Variants in PLPPR1 observed in about 807,000 individuals in gnomAD.
PLPPR1 encodes the protein phospholipid phosphatase related 1, also known as phospholipid phosphatase-related protein type 1.
Under a neutral mutation model 33.1 loss-of-function variants are expected in PLPPR1, and 10 were observed. That is an observed-to-expected ratio of 0.30 (90% confidence interval 0.19 to 0.51). The LOEUF is 0.51. Among genes scored for constraint, PLPPR1 ranks in the 20% least tolerant of loss-of-function variants. The probability of loss-of-function intolerance (pLI) is 0.97; values close to 1 mark genes in which losing one functional copy is unlikely to be tolerated. For synonymous variants in PLPPR1, 151 were observed against 151.0 expected, an observed-to-expected ratio of 1.00 and a Z score of 0.00; for missense variants, 304 against 408.1, an observed-to-expected ratio of 0.74 and a Z score of 2.20.
At chr9:101,066,000 T>C (rs1830408518) in intron 1 of PLPPR1, among the ~76,000 whole-genome samples, 2 of 152,130 alleles carry the variant, frequency 1.3e-5, no homozygotes, top group South Asian at 4.1e-4. Context: ...TTAATTCAGA[T>C]TTTCTTAATT....
chr9:101,225,046 TG>T (rs1827034811), intron 2 of PLPPR1, among the ~76,000 whole-genome samples: 1 of 152,218 alleles, frequency 6.6e-6, no homozygotes, highest in African/African-American at 2.4e-5. Context: ...GCCAGAAATG[TG>T]CCATAGGAAC....
At chr9:101,073,099 A>G (rs1330786176) in intron 1 of PLPPR1, among the ~76,000 whole-genome samples, 1 of 152,164 alleles carries the variant, frequency 6.6e-6, no homozygotes, top group East Asian at 1.9e-4. Context: ...TTGGAGAGGA[A>G]TGGGTCTGGG....
chr9:101,249,420 G>A (rs1014386733), intron 2 of PLPPR1, among the ~76,000 whole-genome samples: 1 of 152,028 alleles, frequency 6.6e-6, no homozygotes, highest in African/African-American at 2.4e-5. Flanking sequence ...AATTATAAAC[G>A]ATTGGTAATG....
intron 1 of PLPPR1, among the ~76,000 whole-genome samples, chr9:101,149,654 A>T (rs1831559154): frequency 6.6e-6 from 1 of 152,162 alleles, no homozygotes; most frequent in Non-Finnish European, 1.5e-5. Flanking sequence ...TTACGTTGTC[A>T]TATATCTTCT....
chr9:101,061,342 A>G (rs1236259629), intron 1 of PLPPR1, among the ~76,000 whole-genome samples: 1 of 151,994 alleles, frequency 6.6e-6, no homozygotes, highest in African/African-American at 2.4e-5. Flanking sequence ...ATATTAAAAA[A>G]ACATGTTAAT....
chr9:101,266,696 T>A (rs532137539), intron 2 of PLPPR1, among the ~76,000 whole-genome samples: 1 of 152,228 alleles, frequency 6.6e-6, no homozygotes, highest in Non-Finnish European at 1.5e-5. Context: ...ATTTGTTCTA[T>A]AGATCTCAAA....
chr9:101,216,059 C>T (rs1351105997), intron 2 of PLPPR1, among the ~76,000 whole-genome samples: 1 of 152,130 alleles, frequency 6.6e-6, no homozygotes, highest in Non-Finnish European at 1.5e-5. Flanking sequence ...TTTTGAGGAA[C>T]CTCCATACTG....
At chr9:101,035,308 A>G (rs1279507060) in intron 1 of PLPPR1, among the ~76,000 whole-genome samples, 1 of 152,154 alleles carries the variant, frequency 6.6e-6, no homozygotes, top group African/African-American at 2.4e-5. Context: ...AGGAACTGCA[A>G]CCCGGGTTTG....
rs1027124766 is a variant in PLPPR1, at chr9:101,317,554, G to T, written c.945+58G>T. On this transcript the variant is annotated intron_variant, in intron 7 of 7. Coordinates refer to ENST00000374874, the MANE Select transcript of PLPPR1 (RefSeq NM_207299.2). ...ACAGGCTGAACACTTTGGGAGGTCA[G>T]TATCAATCCATGAATACCACTTAAT... The T allele has an allele frequency of 3.3e-6, 5 of 1,524,988 alleles. No individual in the cohort carries two copies. In the African/African-American group the frequency reaches 6.9e-5, roughly 21 times the overall value. The allele number at this position is 1,524,988 out of a possible 1,614,324, so 94.5% of individuals were successfully genotyped here. A position where few individuals can be genotyped will look rare whatever the true frequency, so the allele number is the denominator to read the frequency against.
chr9:101,314,731 T>C lies in PLPPR1; in HGVS notation c.813+1757T>C, dbSNP rs562263452. On this transcript the variant is annotated intron_variant, in intron 6 of 7. Transcript: ENST00000374874. ...GTGCCAATAGACTTGCTGGACAGTGTTGTCAAAAAGCTTCAATTTAAAAAA... is the reference window on the plus strand; with the variant it reads ...GTGCCAATAGACTTGCTGGACAGTGCTGTCAAAAAGCTTCAATTTAAAAAA... Among the ~76,000 whole-genome samples, 192 of 147,648 alleles carry C rather than the reference T, an allele frequency of 1.3e-3. 1 individual carries two copies. Among genetic ancestry groups the C allele is most frequent in the South Asian group, 2.8e-3 (13 of 4,712 alleles).
intron 2 of PLPPR1, among the ~76,000 whole-genome samples, chr9:101,267,478 T>TG (rs897799449): frequency 1.2e-4 from 19 of 152,122 alleles, no homozygotes; most frequent in African/African-American, 4.6e-4. Flanking sequence ...GAAAAACACA[T>TG]GGAAGTGTCC....
At chr9:101,035,170 A>G (rs1829994271) in intron 1 of PLPPR1, among the ~76,000 whole-genome samples, 1 of 152,148 alleles carries the variant, frequency 6.6e-6, no homozygotes, top group Non-Finnish European at 1.5e-5. Context: ...TAAATATCTC[A>G]AATGTGAGAT....
At chr9:101,033,348 A>G (rs1000753960) in intron 1 of PLPPR1, among the ~76,000 whole-genome samples, 2 of 152,222 alleles carry the variant, frequency 1.3e-5, no homozygotes, top group African/African-American at 4.8e-5. Flanking sequence ...AGCTCAGGAA[A>G]GTAAAAGGCT....
chr9:101,233,738 ATT>A (rs1222129941), intron 2 of PLPPR1, among the ~76,000 whole-genome samples: 1 of 151,938 alleles, frequency 6.6e-6, no homozygotes, highest in African/African-American at 2.4e-5. Flanking sequence ...AGGACTGTCC[ATT>A]ATAAGTCTCA....
intron 2 of PLPPR1, among the ~76,000 whole-genome samples, chr9:101,223,203 G>A (rs1047174179): frequency 2.0e-5 from 3 of 150,956 alleles, no homozygotes; most frequent in Non-Finnish European, 4.4e-5. Flanking sequence ...GGGCACCATG[G>A]GATGAGCCTG....
rs373670390 is a variant in PLPPR1 at position 101,096,641 on chromosome 9, T to C, written c.-46+67539T>C. On this transcript the variant is annotated intron_variant, in intron 1 of 7. Transcript: ENST00000374874. ...AACAACACAGTGAACATTTGCATTA[T>C]TTTCATGTACATGTGTGCTGTCTAA... Among the ~76,000 whole-genome samples the C allele has an allele frequency of 2.7e-5, 4 of 148,546 alleles. No homozygotes were observed. The South Asian group carries it at 8.5e-4, about 31-fold the overall frequency.
chr9:101,082,194 A>G (rs1209823853), intron 1 of PLPPR1, among the ~76,000 whole-genome samples: 1 of 152,100 alleles, frequency 6.6e-6, no homozygotes, highest in African/African-American at 2.4e-5. Flanking sequence ...TATTAATACT[A>G]TATCTTCCAA....
Position 101,068,849 on chromosome 9 carries a change from A to G in PLPPR1, c.-46+39747A>G, listed in dbSNP as rs556349556. Among the ~76,000 whole-genome samples the G allele has an allele frequency of 2.0e-5, 3 of 152,244 alleles. No individual in the cohort carries two copies. In the East Asian group the frequency reaches 5.8e-4, roughly 30 times the overall value. ...TTACTTCTAGTGAGTGTAGTATATC[A>G]ACTTTGCTTATTATGCACAGGATGA... On this transcript the variant is annotated intron_variant, in intron 1 of 7. Transcript: ENST00000374874.
At chr9:101,067,861 G>C (rs1165102788) in intron 1 of PLPPR1, among the ~76,000 whole-genome samples, 2 of 152,106 alleles carry the variant, frequency 1.3e-5, no homozygotes, top group African/African-American at 4.8e-5. Context: ...CTTATGAGCT[G>C]TATGACCTTG....
Sources: allele counts gnomAD v4.1 joint callset (sites outside exome capture counted in the v4.1 genomes callset), GRCh38; gene constraint gnomAD v4.1.1; transcripts MANE v1.5; gene names NCBI Gene and HGNC (gene_info 2026-07-23, HGNC 2026-07-21).